Variants in IKBKG observed in about 807,000 individuals in gnomAD.
IKBKG encodes NF-kappa-B essential modulator.
A neutral mutation model predicts 13.7 loss-of-function variants in IKBKG; 2 were observed. That is an observed-to-expected ratio of 0.15 (90% CI 0.06 to 0.46). The LOEUF is 0.46. Among genes scored for constraint, IKBKG ranks in the 20% least tolerant of loss-of-function variants. The pLI is 0.98. For missense variants in IKBKG, 53 were observed against 150.3 expected, an observed-to-expected ratio of 0.35 and a Z score of 3.39; for synonymous variants, 22 against 64.4, an observed-to-expected ratio of 0.34 and a Z score of 3.15.
chrX:154,551,112 A>AT (rs55905799), intron 1 of IKBKG, among the ~76,000 whole-genome samples: 7,630 of 88,364 alleles, frequency 0.086, 1,157 homozygotes, highest in African/African-American at 0.32. Context: ...GTGACCGGCA[A>AT]TTTTTTTTTT....
chrX:154,550,256 GTGTA>G (rs1284202020), intron 1 of IKBKG, among the ~76,000 whole-genome samples: 2 of 104,906 alleles, frequency 1.9e-5, no homozygotes, highest in Admixed American at 1.1e-4. Context: ...GTGTGTGTGT[GTGTA>G]TGTGTGTGTG....
chrX:154,548,102 A>G (rs2070806845), intron 1 of IKBKG: 2 of 754,522 alleles, frequency 2.7e-6, no homozygotes, highest in East Asian at 1.5e-4. Flanking sequence ...ATCTGATTTC[A>G]TATGCCTGTT....
rs1557235193 is a variant in IKBKG, at chrX:154,552,082, T to C, written c.80T>C (p.Leu27Pro). 8.4e-7 allele frequency: 1 copy of C among 1,191,276 alleles called. No individual in the cohort carries two copies. Among genetic ancestry groups the C allele is most frequent in the Non-Finnish European group, 1.1e-6 (1 of 881,137 alleles). Residue 27 changes from leucine (L) to proline (P), a missense_variant, in exon 2 of 10, where the codon CTG (leucine) becomes CCG (proline). Physicochemically the swap from Leu to Pro is moderately conservative, Grantham distance 98. Transcript: ENST00000594239. ...GGCCCGGCAGCAGATCAGGACGTAC[T>C]GGGCGAAGAGTCTCCTCTGGGGAAG... ...SGGPAADQDV[L>P]GEESPLGKPA...
At chrX:154,542,313 C>T (rs1209638355) in exon 2 of IKBKG, 61 of 1,179,570 alleles carry the variant, frequency 5.2e-5, no homozygotes, top group Non-Finnish European at 6.9e-5. Context: ...GAAGTGAGGA[C>T]CCCGCAGACT....
At chrX:154,542,196 C>T (rs1019890582) in intron 1 of IKBKG, 4 of 685,657 alleles carry the variant, frequency 5.8e-6, no homozygotes, top group South Asian at 2.6e-5. Flanking sequence ...AAAGGGGAGG[C>T]GGGGGCCGCT....
chrX:154,552,758 C>T (rs1255593966), intron 2 of IKBKG, among the ~76,000 whole-genome samples: 3 of 112,193 alleles, frequency 2.7e-5, no homozygotes, highest in Non-Finnish European at 5.7e-5. Context: ...GGCTGACTTC[C>T]CACACCCAGT....
At chrX:154,548,557 A>AT (rs1308130050) in intron 1 of IKBKG, among the ~76,000 whole-genome samples, 1 of 111,962 alleles carries the variant, frequency 8.9e-6, no homozygotes, top group African/African-American at 3.2e-5. Context: ...AGTATAGTAA[A>AT]TCTTTTTGGT....
chrX:154,542,284 G>A, exon 2 of IKBKG: 1 of 1,154,988 alleles, frequency 8.7e-7, no homozygotes, highest in Non-Finnish European at 1.2e-6. Context: ...TGATCCAGGT[G>A]GGGAAACTAA....
chrX:154,545,836 C>CAAA (rs781893284), upstream of IKBKG: 176 of 282,803 alleles, frequency 6.2e-4, no homozygotes, highest in African/African-American at 1.1e-3. Flanking sequence ...ACTCCGTCTC[C>CAAA]AAAAAAAAAA....
intron 1 of IKBKG, among the ~76,000 whole-genome samples, chrX:154,551,395 C>T (rs781947922): frequency 9.1e-4 from 101 of 110,982 alleles, no homozygotes; most frequent in Non-Finnish European, 1.7e-3. Flanking sequence ...GGCTGCCTCA[C>T]TCCAGTCTCC....
At chrX:154,546,305 T>C, upstream of IKBKG, 1 of 809,592 alleles carries the variant, frequency 1.2e-6, no homozygotes, top group Non-Finnish European at 1.8e-6. Context: ...GGCTGGGCAT[T>C]GGGGAGTGGT....
chrX:154,546,865 GC>G, upstream of IKBKG: 1 of 1,106,972 alleles, frequency 9.0e-7, no homozygotes. Context: ...AGCCCCGCCG[GC>G]CCATTTAATC....
upstream of IKBKG, chrX:154,546,755 C>A: frequency 9.1e-7 from 1 of 1,104,494 alleles, no homozygotes; most frequent in South Asian, 2.0e-5. Context: ...ACAGTACGCT[C>A]CTCCGCCTGC....
At chrX:154,555,398 G>A (rs782270778) in intron 2 of IKBKG, among the ~76,000 whole-genome samples, 1 of 112,010 alleles carries the variant, frequency 8.9e-6, no homozygotes, top group Non-Finnish European at 1.9e-5. Context: ...AAATGAATTC[G>A]AGTCACTTAC....
rs1008440659 is a variant in IKBKG, at chrX:154,547,650, C to T, written c.-111C>T. Reference sequence around the variant, plus strand: ...CCGGAAGCGTGGTAGGGAAGGGCGACCGCGAAACTGGGACTTTCTCGGAGC... The same window carrying T: ...CCGGAAGCGTGGTAGGGAAGGGCGATCGCGAAACTGGGACTTTCTCGGAGC... On this transcript the variant is annotated 5_prime_UTR_variant, in exon 1 of 10. Transcript: ENST00000594239. 2.7e-6 allele frequency: 2 copies of T among 753,892 alleles called. No homozygotes were observed. The highest frequency in any genetic ancestry group is 3.1e-6 in the Non-Finnish European group (2 of 639,250). 62.1% of individuals were successfully genotyped at this position (753,892 alleles called of 1,213,427 possible). A position where few individuals can be genotyped will look rare whatever the true frequency, so the allele number is the denominator to read the frequency against.
upstream of IKBKG, chrX:154,546,784 G>T: frequency 8.6e-7 from 1 of 1,158,440 alleles, no homozygotes; most frequent in Non-Finnish European, 1.1e-6. Flanking sequence ...CGCCCGGCCG[G>T]TTACCTGCGC....
At chrX:154,545,609 CG>C (rs1196368437), upstream of IKBKG, 1 of 162,745 alleles carries the variant, frequency 6.1e-6, no homozygotes, top group African/African-American at 3.2e-5. Context: ...CCGAGGCGGG[CG>C]GATCACTTGA....
chrX:154,547,576 G>A, upstream of IKBKG: 1 of 755,238 alleles, frequency 1.3e-6, no homozygotes, highest in South Asian at 6.7e-5. Flanking sequence ...GTTCTCGGGG[G>A]CGGGGCTTGT....
intron 1 of IKBKG, among the ~76,000 whole-genome samples, chrX:154,550,277 TGA>T (rs1194265504): frequency 9.0e-4 from 92 of 101,829 alleles, no homozygotes; most frequent in East Asian, 1.2e-3. Context: ...TGTGTGTGTG[TGA>T]GAGAGAGAGA....
Sources: allele counts gnomAD v4.1 joint callset (sites outside exome capture counted in the v4.1 genomes callset), GRCh38; gene constraint gnomAD v4.1.1; transcripts MANE v1.5; gene names NCBI Gene and HGNC (gene_info 2026-07-23, HGNC 2026-07-21).